SERPINI2: variants seen among roughly 807,000 people sequenced by gnomAD.
SERPINI2 encodes the protein serpin family I member 2, also known as serpin I2.
A neutral mutation model predicts 47.3 loss-of-function variants in SERPINI2; 48 were observed. The observed-to-expected ratio is 1.02, with a 90% confidence interval of 0.81 to 1.29. The LOEUF is 1.29. Among genes scored for constraint, SERPINI2 ranks in the 50% most tolerant of loss-of-function variants. SERPINI2 has a pLI of 0.00. For synonymous variants in SERPINI2, 135 were observed against 149.3 expected (o/e 0.90, Z 0.70); for missense variants, 448 against 456.9 (o/e 0.98, Z 0.18).
chr3:167,474,982 T>C (rs1260030816), upstream of SERPINI2, among the ~76,000 whole-genome samples: 1 of 151,760 alleles, frequency 6.6e-6, no homozygotes, highest in Non-Finnish European at 1.5e-5. Flanking sequence ...TTAAATGGAA[T>C]TCATTTTTAA....
intron 8 of SERPINI2, 25 bp downstream of exon 8, chr3:167,446,367 C>T: frequency 1.4e-6 from 2 of 1,478,058 alleles, no homozygotes; most frequent in Admixed American, 1.7e-5. Context: ...AATCAGTTCC[C>T]CCAAATAATT....
intron 8 of SERPINI2, among the ~76,000 whole-genome samples, chr3:167,442,747 C>T (rs1197879425): frequency 1.3e-5 from 2 of 152,152 alleles, no homozygotes; most frequent in African/African-American, 2.4e-5. Context: ...TACCTGTTTT[C>T]AACCATTCTG....
chr3:167,463,694 A>T (rs1257304735), intron 5 of SERPINI2, among the ~76,000 whole-genome samples: 2 of 152,184 alleles, frequency 1.3e-5, no homozygotes, highest in East Asian at 3.9e-4. Context: ...GAAAGAGAAG[A>T]TTAATAAAGA....
chr3:167,462,555 C>A (rs1168487358), intron 5 of SERPINI2, among the ~76,000 whole-genome samples: 3 of 152,198 alleles, frequency 2.0e-5, no homozygotes, highest in Non-Finnish European at 1.5e-5. Context: ...AATGACCTAA[C>A]TTTCATTACT....
At chr3:167,456,580 T>C (rs1009797458) in intron 5 of SERPINI2, among the ~76,000 whole-genome samples, 1 of 152,184 alleles carries the variant, frequency 6.6e-6, no homozygotes, top group Non-Finnish European at 1.5e-5. Flanking sequence ...TATCACTGAC[T>C]GTTTGTTCTG....
At chr3:167,452,819 T>C (rs2108156565) in intron 6 of SERPINI2, 117 bp downstream of exon 6, 1 of 549,824 alleles carries the variant, frequency 1.8e-6, no homozygotes, top group Non-Finnish European at 3.2e-6. Flanking sequence ...ATGACATTTA[T>C]TCACTGTGCG....
intron 1 of SERPINI2, chr3:167,473,790 A>T: frequency 6.8e-7 from 1 of 1,460,152 alleles, no homozygotes; most frequent in Non-Finnish European, 9.0e-7. Flanking sequence ...ATGCTGAACT[A>T]AACAACCTGA....
intron 6 of SERPINI2, among the ~76,000 whole-genome samples, chr3:167,452,434 T>C (rs1749668483): frequency 1.3e-5 from 2 of 152,234 alleles, no homozygotes; most frequent in Admixed American, 6.5e-5. Flanking sequence ...TTCTCAGATA[T>C]GTTGTCAGCC....
rs577610905 is a variant in SERPINI2, at chr3:167,472,036, A to G, written c.-10-192T>C. On this transcript the variant is annotated intron_variant, in intron 1 of 8. Coordinates refer to ENST00000264677, the Ensembl canonical transcript of SERPINI2. The stretch of plus-strand genomic sequence containing the variant: ...TTCATGTGTTAATGGTATTTCTTAC[A>G]TATCTTCAAGAACCAGTAGAAAATA... The G allele has an allele frequency of 1.4e-4, 72 of 499,850 alleles. No homozygotes were observed. The South Asian group carries it at 2.2e-3, about 15-fold the overall frequency. The allele number at this position is 499,850 out of a possible 1,614,324, so 31.0% of individuals were successfully genotyped here.
intron 1 of SERPINI2, 56 bp from the exon 2 acceptor site, chr3:167,471,900 G>C: frequency 7.3e-7 from 1 of 1,375,964 alleles, no homozygotes; most frequent in Non-Finnish European, 1.0e-6. Context: ...TCCACAGAGA[G>C]CTCAACAGAA....
At chr3:167,471,815 C>A in exon 2 of SERPINI2, 1 of 1,610,960 alleles carries the variant, frequency 6.2e-7, no homozygotes, top group Non-Finnish European at 8.5e-7. Context: ...TAGAAGACTC[C>A]ACAAGAAGAT....
intron 5 of SERPINI2, among the ~76,000 whole-genome samples, chr3:167,459,643 T>C (rs1341590736): frequency 6.6e-6 from 1 of 151,588 alleles, no homozygotes; most frequent in African/African-American, 2.4e-5. Context: ...CACATGCTCC[T>C]TTCTACTGTA....
chr3:167,471,375 T>C (rs1211102257), intron 2 of SERPINI2, among the ~76,000 whole-genome samples: 1 of 152,174 alleles, frequency 6.6e-6, no homozygotes, highest in Admixed American at 6.6e-5. Flanking sequence ...TACATTTATA[T>C]AGATGTCAAT....
At chr3:167,465,450 T>C (rs750537796) in intron 4 of SERPINI2, 29 bp downstream of exon 4, 1 of 1,608,798 alleles carries the variant, frequency 6.2e-7, no homozygotes, top group East Asian at 2.2e-5. Flanking sequence ...CTCAAGACTA[T>C]GCTTAGGAAC....
chr3:167,444,450 C>T (rs910283184), intron 8 of SERPINI2, among the ~76,000 whole-genome samples: 1 of 152,090 alleles, frequency 6.6e-6, no homozygotes, highest in Non-Finnish European at 1.5e-5. Flanking sequence ...ATCATTCATC[C>T]TCATACTTCA....
exon 5 of SERPINI2, chr3:167,465,264 G>T (rs377487920): frequency 3.7e-6 from 6 of 1,612,692 alleles, no homozygotes; most frequent in African/African-American, 2.7e-5. Context: ...TTTAGGATTT[G>T]TTGAGCAGTA....
At chr3:167,466,995 G>A in intron 3 of SERPINI2, 60 bp downstream of exon 3, 1 of 1,197,168 alleles carries the variant, frequency 8.4e-7, no homozygotes, top group South Asian at 1.4e-5. Flanking sequence ...TTTACTTTAG[G>A]ATATTAAAAA....
At chr3:167,470,174 G>A (rs961531218) in intron 2 of SERPINI2, among the ~76,000 whole-genome samples, 1 of 152,082 alleles carries the variant, frequency 6.6e-6, no homozygotes, top group Non-Finnish European at 1.5e-5. Flanking sequence ...AAACGTTTCT[G>A]GGAGTGGTAT....
Position 167,457,997 on chromosome 3 carries a change from A to G in SERPINI2, c.867-4964T>C, listed in dbSNP as rs190618723. 1.8e-3 allele frequency among the ~76,000 whole-genome samples: 278 copies of G among 152,348 alleles called. 1 individual carries two copies. The highest frequency in any genetic ancestry group is 6.6e-3 in the African/African-American group (273 of 41,586). On this transcript the variant is annotated intron_variant, in intron 5 of 8. Coordinates refer to ENST00000264677, the Ensembl canonical transcript of SERPINI2. ...CAGGGTGAACAATTCTGACTACTAC[A>G]TAGATCTTTCTAAAACACTGACTTA...
Sources: allele counts gnomAD v4.1 joint callset (sites outside exome capture counted in the v4.1 genomes callset), GRCh38; gene constraint gnomAD v4.1.1; transcripts MANE v1.5; gene names NCBI Gene and HGNC (gene_info 2026-07-23, HGNC 2026-07-21).